The following JPT1 variants were observed in gnomAD, a reference collection of about 807,000 sequenced individuals.
JPT1 encodes the protein androgen-regulated protein 2.
A neutral mutation model predicts 17.0 loss-of-function variants in JPT1; 5 were observed. The ratio of observed to expected loss-of-function variants is 0.29; its 90% CI spans 0.15 to 0.62. The LOEUF (loss-of-function observed/expected upper bound fraction) is 0.62, where lower values mean the gene tolerates loss of function less well. Among genes scored for constraint, JPT1 ranks in the 20% least tolerant of loss-of-function variants. JPT1 has a pLI of 0.85. For synonymous variants in JPT1, 71 were observed against 73.6 expected (o/e 0.96, Z 0.18); for missense variants, 158 against 188.1 (o/e 0.84, Z 0.94).
intron 1 of JPT1, among the ~76,000 whole-genome samples, chr17:75,149,388 G>A (rs1453781517): frequency 6.6e-6 from 1 of 151,812 alleles, no homozygotes; most frequent in Non-Finnish European, 1.5e-5. Flanking sequence ...TTTTTTTTGA[G>A]ACGGAGTCTC....
chr17:75,148,582 G>A lies in JPT1; in HGVS notation c.146C>T (p.Ser49Phe). 1 of 1,614,148 alleles carries A rather than the reference G, an allele frequency of 6.2e-7. No individual in the cohort carries two copies. The highest frequency in any genetic ancestry group is 8.5e-7 in the Non-Finnish European group (1 of 1,180,032). Reference sequence around the variant, plus strand: ...TTCTTCAGGTGTCCCAAAGATATTAGAGGCCATTTTGTTCTTCCTCACAGG... The same window carrying A: ...TTCTTCAGGTGTCCCAAAGATATTAAAGGCCATTTTGTTCTTCCTCACAGG... Reference protein sequence around the residue: ...EQPVRKNKMASNIFGTPEENQ... With the variant: ...EQPVRKNKMAFNIFGTPEENQ... Residue 49 changes from serine (S) to phenylalanine (F), a missense_variant, in exon 2 of 5, where the codon TCT (serine) becomes TTT (phenylalanine). Ser to Phe is a radical substitution (Grantham distance 155). Transcript: ENST00000409753.
At position 75,136,055 on chromosome 17, in the gene JPT1, A is replaced by G; in HGVS notation, c.*47T>C. 2 of 1,614,212 alleles carry G rather than the reference A, an allele frequency of 1.2e-6. No individual in the cohort carries two copies. Among genetic ancestry groups the G allele is most frequent in the Non-Finnish European group, 1.7e-6 (2 of 1,180,032 alleles). On this transcript the variant is annotated 3_prime_UTR_variant, in exon 5 of 5. Transcript: ENST00000409753. ...GTCAGGCTCAAGTTGTGCAGTTCAC[A>G]AGCATGGAGGAAACAGACAGAACGA...
At chr17:75,145,052 T>A (rs750361956) in intron 4 of JPT1, among the ~76,000 whole-genome samples, 2 of 148,716 alleles carry the variant, frequency 1.3e-5, no homozygotes, top group African/African-American at 2.5e-5. Flanking sequence ...TAATCCCAGC[T>A]ATTCAGGAGG....
intron 4 of JPT1, among the ~76,000 whole-genome samples, chr17:75,143,926 G>T (rs1402252631): frequency 6.6e-6 from 1 of 152,142 alleles, no homozygotes; most frequent in Non-Finnish European, 1.5e-5. Context: ...GGGAGGCAAA[G>T]GTAGGAAGAC....
intron 4 of JPT1, among the ~76,000 whole-genome samples, chr17:75,140,277 T>TA (rs551588100): frequency 0.042 from 6,159 of 146,348 alleles, 171 homozygotes; most frequent in Non-Finnish European, 0.062. Context: ...GAAGATAATT[T>TA]AAAAAAAAAA....
chr17:75,147,032 A>G (rs1399682280), intron 3 of JPT1, among the ~76,000 whole-genome samples: 2 of 152,184 alleles, frequency 1.3e-5, no homozygotes, highest in Non-Finnish European at 1.5e-5. Flanking sequence ...GGGAAACTAG[A>G]TAATAGTTAT....
At chr17:75,145,158 C>T (rs1194295837) in intron 4 of JPT1, 1 of 93,528 alleles carries the variant, frequency 1.1e-5, no homozygotes, top group African/African-American at 4.1e-5. Flanking sequence ...AGCCAGACTC[C>T]ATCTCAAAAA....
chr17:75,148,003 T>C (rs558260432), intron 2 of JPT1: 1 of 242,320 alleles, frequency 4.1e-6, no homozygotes, highest in East Asian at 8.6e-5. Context: ...GAGACTCTTA[T>C]CTCAAAAACA....
chr17:75,148,596 C>T lies in JPT1; in HGVS notation c.132G>A (p.Lys44=). The T allele has an allele frequency of 6.2e-7, 1 of 1,614,162 alleles. No individual in the cohort carries two copies. The highest frequency in any genetic ancestry group is 1.1e-5 in the South Asian group (1 of 91,084). Residue 44 remains lysine, a synonymous_variant, in exon 2 of 5, where the codon AAG becomes AAA. Coordinates refer to ENST00000409753, the MANE Select transcript of JPT1 (RefSeq NM_016185.4). ...CAAAGATATTAGAGGCCATTTTGTTCTTCCTCACAGGTTGTTCTGTTGGTT... is the reference window on the plus strand; with the variant it reads ...CAAAGATATTAGAGGCCATTTTGTTTTTCCTCACAGGTTGTTCTGTTGGTT... ...FDEPTEQPVR[K]NKMASNIFGT... is the part of the protein sequence containing the mutation.
chr17:75,136,191 C>G lies in JPT1; in HGVS notation c.376G>C (p.Ala126Pro). The stretch of plus-strand genomic sequence containing the variant: ...GCCACCGGGCTGGGCACAGGCGCAG[C>G]AGGCACGGGCTTCTCTTCACTCTGC... ...LGQSEEKPVP[A>P]APVPSPVAPA... Residue 126 changes from alanine to proline, a missense_variant, in exon 5 of 5, where the codon GCT (alanine) becomes CCT (proline). Transcript: ENST00000409753. 1.2e-6 allele frequency: 2 copies of G among 1,613,694 alleles called. No homozygotes were observed. The highest frequency in any genetic ancestry group is 2.2e-5 in the South Asian group (2 of 91,060).
In JPT1 at chr17:75,135,807, A is replaced by G. The variant is rs2074181780; in HGVS notation, c.*295T>C. On this transcript the variant is annotated 3_prime_UTR_variant, in exon 5 of 5. Coordinates refer to ENST00000409753, the MANE Select transcript of JPT1 (RefSeq NM_016185.4). Reference sequence around the variant, plus strand: ...GTAAAGTGTTAAAAACCTCAGTACAAAAGATCCTCTAACACATCTGGAACC... The same window carrying G: ...GTAAAGTGTTAAAAACCTCAGTACAGAAGATCCTCTAACACATCTGGAACC... The G allele has an allele frequency of 1.0e-5, 6 of 575,968 alleles. No homozygotes were observed. The highest frequency in any genetic ancestry group is 7.4e-5 in the African/African-American group (4 of 53,780). 35.7% of individuals were successfully genotyped at this position (575,968 alleles called of 1,614,324 possible).
chr17:75,139,752 A>G (rs554529995), intron 4 of JPT1, among the ~76,000 whole-genome samples: 1 of 151,734 alleles, frequency 6.6e-6, no homozygotes, highest in East Asian at 2.0e-4. Context: ...CGGGAGGCGG[A>G]GTTTGAAGTG....
At chr17:75,141,726 CGACCAGCCT>C (rs2074313221) in intron 4 of JPT1, among the ~76,000 whole-genome samples, 1 of 149,244 alleles carries the variant, frequency 6.7e-6, no homozygotes, top group African/African-American at 2.5e-5. Context: ...TAGGAGTTTG[CGACCAGCCT>C]GGCCAACATG....
chr17:75,147,063 C>G (rs2074453226), intron 3 of JPT1, among the ~76,000 whole-genome samples: 2 of 152,074 alleles, frequency 1.3e-5, no homozygotes, highest in African/African-American at 4.8e-5. Flanking sequence ...CTATCAGTTC[C>G]AAAGCCCTTC....
chr17:75,146,574 G>C, intron 4 of JPT1, 92 bp downstream of exon 4: 1 of 997,744 alleles, frequency 1.0e-6, no homozygotes, highest in Non-Finnish European at 1.5e-6. Flanking sequence ...TCACTCCCCA[G>C]TCTCTTTCCC....
intron 4 of JPT1, among the ~76,000 whole-genome samples, chr17:75,145,035 G>A (rs912386514): frequency 4.6e-5 from 7 of 151,252 alleles, no homozygotes; most frequent in African/African-American, 1.2e-4. Flanking sequence ...ATGGTGCCGC[G>A]TGCCTGTAAT....
chr17:75,135,973 A>G lies in JPT1; in HGVS notation c.*129T>C, dbSNP rs528929310. 4.5e-6 allele frequency: 7 copies of G among 1,567,810 alleles called. No homozygotes were observed. The South Asian group carries it at 8.3e-5, about 19-fold the overall frequency. ...ACCTGTTCTTCAAAAGAAAAAAAAA[A>G]AAGACAGCAGTACATAAAGTGCTTC... On this transcript the variant is annotated 3_prime_UTR_variant, in exon 5 of 5. Transcript: ENST00000409753.
chr17:75,146,282 T>C (rs1303219352), intron 4 of JPT1, among the ~76,000 whole-genome samples: 3 of 152,102 alleles, frequency 2.0e-5, no homozygotes, highest in Non-Finnish European at 4.4e-5. Context: ...GCCTCCCGAG[T>C]AGCTGGACTA....
chr17:75,135,911 C>T lies in JPT1; in HGVS notation c.*191G>A, dbSNP rs1163815537. On this transcript the variant is annotated 3_prime_UTR_variant, in exon 5 of 5. Transcript: ENST00000409753. ...ATCTACTACTAGAAAACACTCATGC[C>T]ATGGCCCACAGACCCAAGAGTCAAG... 3.3e-6 allele frequency: 4 copies of T among 1,223,526 alleles called. No individual in the cohort carries two copies. Among genetic ancestry groups the T allele is most frequent in the African/African-American group, 1.5e-5 (1 of 65,214 alleles). The allele number at this position is 1,223,526 out of a possible 1,614,324, so 75.8% of individuals were successfully genotyped here. A position where few individuals can be genotyped will look rare whatever the true frequency, so the allele number is the denominator to read the frequency against.
Sources: allele counts gnomAD v4.1 joint callset (sites outside exome capture counted in the v4.1 genomes callset), GRCh38; gene constraint gnomAD v4.1.1; transcripts MANE v1.5; gene names NCBI Gene and HGNC (gene_info 2026-07-23, HGNC 2026-07-21).